The following MYO3A variants were observed in gnomAD, a reference collection of about 807,000 sequenced individuals.
MYO3A encodes myosin-IIIa.
Under a neutral mutation model 192.7 loss-of-function variants are expected in MYO3A, and 180 were observed. That is an observed-to-expected ratio of 0.93 (90% confidence interval 0.83 to 1.06). MYO3A has a LOEUF of 1.06. Ranked by LOEUF, MYO3A falls within the 50% of genes least tolerant of loss-of-function variation. MYO3A has a pLI of 0.00. For synonymous variants in MYO3A, 628 were observed against 645.3 expected (o/e 0.97, Z 0.41); for missense variants, 1,896 against 1,905.0 (o/e 1.00, Z 0.09).
chr10:26,203,043 C>G lies in MYO3A; in HGVS notation c.4666C>G (p.Pro1556Ala). ...TCGTTCTGGACCAAAGGAACATAGC[C>G]CTAGTTTAAGAGAACGAAGACCACA... ...PSRSGPKEHS[P>A]SLRERRPQQE... Residue 1556 changes from proline to alanine, a missense_variant, in exon 34 of 35, where the codon CCT becomes GCT. Pro to Ala is a conservative substitution (Grantham distance 27). Coordinates refer to ENST00000642920, the MANE Select transcript of MYO3A (RefSeq NM_017433.5). 1 of 1,613,608 alleles carries G rather than the reference C, an allele frequency of 6.2e-7. No homozygotes were observed. The highest frequency in any genetic ancestry group is 8.5e-7 in the Non-Finnish European group (1 of 1,179,770).
At chr10:26,149,703 G>A (rs1840689316) in intron 23 of MYO3A, among the ~76,000 whole-genome samples, 1 of 151,962 alleles carries the variant, frequency 6.6e-6, no homozygotes, top group Non-Finnish European at 1.5e-5. Flanking sequence ...GTAGAATAAT[G>A]AAATCCAGCT....
intron 4 of MYO3A, among the ~76,000 whole-genome samples, chr10:25,994,765 A>G (rs1407589638): frequency 6.6e-6 from 1 of 152,162 alleles, no homozygotes; most frequent in Non-Finnish European, 1.5e-5. Context: ...TCCTTCACTT[A>G]TGAAGCTTAA....
At chr10:26,171,913 A>C (rs1842065399) in intron 29 of MYO3A, among the ~76,000 whole-genome samples, 1 of 152,216 alleles carries the variant, frequency 6.6e-6, no homozygotes, top group Non-Finnish European at 1.5e-5. Flanking sequence ...CTTTCTTCTG[A>C]GGATACCAGG....
chr10:26,081,348 A>G (rs1171833941), intron 14 of MYO3A, among the ~76,000 whole-genome samples: 2 of 151,914 alleles, frequency 1.3e-5, no homozygotes, highest in South Asian at 2.1e-4. Flanking sequence ...AAATGGGGGA[A>G]AGCTGGCAGT....
chr10:26,079,409 C>T (rs977903073), intron 14 of MYO3A, among the ~76,000 whole-genome samples: 1 of 152,076 alleles, frequency 6.6e-6, no homozygotes, highest in South Asian at 2.1e-4. Context: ...AGATGAGTCC[C>T]CTGAATGCAG....
At chr10:26,153,238 G>A (rs1035851484) in intron 23 of MYO3A, among the ~76,000 whole-genome samples, 6 of 152,164 alleles carry the variant, frequency 3.9e-5, no homozygotes, top group African/African-American at 1.2e-4. Flanking sequence ...GATTCTGGGT[G>A]CAGATCAGAG....
intron 2 of MYO3A, among the ~76,000 whole-genome samples, chr10:25,948,938 G>A (rs1449467591): frequency 6.6e-6 from 1 of 151,920 alleles, no homozygotes; most frequent in African/African-American, 2.4e-5. Flanking sequence ...TTGATACACT[G>A]CTTTAAATAT....
chr10:26,129,794 C>T (rs774901991), intron 20 of MYO3A, among the ~76,000 whole-genome samples: 13 of 152,280 alleles, frequency 8.5e-5, no homozygotes, highest in Admixed American at 6.5e-5. Flanking sequence ...GAGGCTGACA[C>T]GTAGCAAGTG....
At chr10:26,200,006 C>T (rs1360329870) in intron 32 of MYO3A, among the ~76,000 whole-genome samples, 2 of 152,172 alleles carry the variant, frequency 1.3e-5, no homozygotes, top group African/African-American at 4.8e-5. Flanking sequence ...TGTTCCTATG[C>T]AGGCAATGTA....
At chr10:26,005,489 G>GA (rs1283285394) in intron 6 of MYO3A, among the ~76,000 whole-genome samples, 1 of 152,112 alleles carries the variant, frequency 6.6e-6, no homozygotes, top group Non-Finnish European at 1.5e-5. Context: ...TAGAGTAGAT[G>GA]ATAGAAGTGT....
intron 10 of MYO3A, among the ~76,000 whole-genome samples, chr10:26,033,014 A>G (rs961761445): frequency 6.6e-6 from 1 of 152,140 alleles, no homozygotes; most frequent in Non-Finnish European, 1.5e-5. Flanking sequence ...TTCAAACTCA[A>G]CATGTCCAAA....
chr10:25,998,369 A>G (rs1840581347), intron 6 of MYO3A, among the ~76,000 whole-genome samples: 1 of 152,228 alleles, frequency 6.6e-6, no homozygotes, highest in South Asian at 2.1e-4. Context: ...GAATGGATGA[A>G]TAGTGTATCC....
intron 31 of MYO3A, among the ~76,000 whole-genome samples, chr10:26,191,079 C>A (rs1332475636): frequency 6.6e-6 from 1 of 152,120 alleles, no homozygotes; most frequent in Non-Finnish European, 1.5e-5. Context: ...ATACCACATT[C>A]ATGTTTCTAA....
At chr10:26,105,835 C>G (rs1002999681) in intron 17 of MYO3A, among the ~76,000 whole-genome samples, 1 of 151,974 alleles carries the variant, frequency 6.6e-6, no homozygotes, top group African/African-American at 2.4e-5. Flanking sequence ...ATAAATTTAT[C>G]TTTAATCATT....
intron 31 of MYO3A, among the ~76,000 whole-genome samples, chr10:26,182,062 G>A (rs1842638622): frequency 6.6e-6 from 1 of 152,142 alleles, no homozygotes; most frequent in South Asian, 2.1e-4. Flanking sequence ...AAGTAATTCA[G>A]CTTAATCTTC....
chr10:26,069,706 G>A (rs910776024), intron 12 of MYO3A, among the ~76,000 whole-genome samples: 2 of 151,928 alleles, frequency 1.3e-5, no homozygotes, highest in African/African-American at 2.4e-5. Context: ...GTTAAATGAC[G>A]TGAAAGGAAA....
intron 10 of MYO3A, among the ~76,000 whole-genome samples, chr10:26,061,016 C>T (rs1481719475): frequency 1.3e-5 from 2 of 152,048 alleles, no homozygotes; most frequent in Non-Finnish European, 2.9e-5. Context: ...GCAAGCTCCG[C>T]CTCCTGGGTT....
At chr10:26,202,858 A>T in intron 33 of MYO3A, 106 bp from the exon 34 acceptor site, 1 of 1,254,392 alleles carries the variant, frequency 8.0e-7, no homozygotes, top group Non-Finnish European at 1.1e-6. Flanking sequence ...TGTGTATGTT[A>T]CTCTAAATTA....
intron 23 of MYO3A, among the ~76,000 whole-genome samples, chr10:26,150,439 A>G (rs915530754): frequency 1.7e-4 from 26 of 152,228 alleles, no homozygotes; most frequent in Non-Finnish European, 7.3e-5. Flanking sequence ...GAATTCACCA[A>G]TGAAGCCAAC....
Sources: gnomAD v4.1 joint callset for allele counts (sites outside exome capture counted in the v4.1 genomes callset) on GRCh38, gnomAD v4.1.1 for gene constraint, MANE v1.5 for transcripts, NCBI Gene and HGNC (gene_info 2026-07-23, HGNC 2026-07-21) for gene names.